The following SNX30 variants were observed in gnomAD, a reference collection of about 807,000 sequenced individuals.
SNX30 encodes sorting nexin family member 30.
Under a neutral mutation model 46.4 loss-of-function variants are expected in SNX30, and 24 were observed. The observed-to-expected ratio is 0.52, with a 90% CI of 0.37 to 0.73. The LOEUF is 0.73. Among genes scored for constraint, SNX30 ranks in the 30% least tolerant of loss-of-function variants. The probability of loss-of-function intolerance (pLI) is 0.00; values close to 1 mark genes in which losing one functional copy is unlikely to be tolerated. For synonymous variants in SNX30, 189 were observed against 211.5 expected (o/e 0.89, Z 0.92); for missense variants, 533 against 555.7 (o/e 0.96, Z 0.41).
chr9:112,883,244 C>T (rs528619297), downstream of SNX30, among the ~76,000 whole-genome samples: 42 of 152,010 alleles, frequency 2.8e-4, 1 homozygote, highest in Non-Finnish European at 2.9e-4. Context: ...GAAGGAGAGA[C>T]GGAGGAAGAG....
intron 7 of SNX30, among the ~76,000 whole-genome samples, chr9:112,859,614 G>A (rs186521480): frequency 1.3e-5 from 2 of 152,032 alleles, no homozygotes; most frequent in East Asian, 1.9e-4. Context: ...TCTTACCAAC[G>A]CTTATCTATT....
At chr9:112,753,812 T>C (rs1450206567) in intron 1 of SNX30, among the ~76,000 whole-genome samples, 2 of 152,236 alleles carry the variant, frequency 1.3e-5, no homozygotes, top group African/African-American at 2.4e-5. Flanking sequence ...TTTCTCTGAC[T>C]AGGAGTAACA....
intron 3 of SNX30, 58 bp from the exon 4 acceptor site, chr9:112,830,667 T>G (rs1840646269): frequency 6.6e-7 from 1 of 1,525,650 alleles, no homozygotes; most frequent in South Asian, 1.2e-5. Context: ...CTAGCCTGGT[T>G]GTTTTTCCTT....
At chr9:112,848,677 G>C (rs1840976905) in intron 6 of SNX30, among the ~76,000 whole-genome samples, 1 of 152,246 alleles carries the variant, frequency 6.6e-6, no homozygotes, top group Non-Finnish European at 1.5e-5. Flanking sequence ...CAGTCAGCCT[G>C]CGCCAGAGGG....
chr9:112,755,252 A>G (rs1839329815), intron 1 of SNX30, among the ~76,000 whole-genome samples: 1 of 152,310 alleles, frequency 6.6e-6, no homozygotes, highest in African/African-American at 2.4e-5. Context: ...GCAGACTGGA[A>G]GGAGGTGAGG....
chr9:112,831,024 G>C (rs1004224528), intron 4 of SNX30, 141 bp downstream of exon 4: 1 of 838,764 alleles, frequency 1.2e-6, no homozygotes, highest in African/African-American at 1.7e-5. Flanking sequence ...TGTAGTCCCA[G>C]CTACCTGGGA....
chr9:112,804,472 G>C (rs1342452874), intron 1 of SNX30, among the ~76,000 whole-genome samples: 2 of 152,178 alleles, frequency 1.3e-5, no homozygotes, highest in Non-Finnish European at 2.9e-5. Flanking sequence ...GCCCCTTGTT[G>C]AGGTTTGATG....
chr9:112,805,880 A>T (rs1840217635), intron 2 of SNX30, among the ~76,000 whole-genome samples: 1 of 152,238 alleles, frequency 6.6e-6, no homozygotes. Flanking sequence ...GGTAACCAGG[A>T]TTCTAATTTG....
chr9:112,864,859 T>C (rs1363138086), intron 8 of SNX30, among the ~76,000 whole-genome samples: 1 of 152,138 alleles, frequency 6.6e-6, no homozygotes, highest in Non-Finnish European at 1.5e-5. Context: ...GTTTTTTAAA[T>C]AGACTTCAAA....
At chr9:112,783,989 A>T (rs1156257670) in intron 1 of SNX30, among the ~76,000 whole-genome samples, 1 of 152,194 alleles carries the variant, frequency 6.6e-6, no homozygotes, top group Non-Finnish European at 1.5e-5. Context: ...GGCTCTGTAG[A>T]TGGCACACAG....
At position 112,838,546 on chromosome 9, in the gene SNX30, G is replaced by A. The variant is rs1840803117; in HGVS notation, c.863G>A (p.Ser288Asn). 1.2e-6 allele frequency: 2 copies of A among 1,614,180 alleles called. No homozygotes were observed. Among genetic ancestry groups the A allele is most frequent in the South Asian group, 1.1e-5 (1 of 91,084 alleles). ...REYGPVYSTW[S>N]ALEGELAEPL... ...TACGGGCCTGTGTACTCCACATGGA[G>A]CGCCTTGGAGGGTGAGCTGGCTGAA... is the stretch of plus-strand genomic sequence containing the variant. The change falls in exon 6 of 9, where the codon AGC becomes AAC. Residue 288 changes from serine to asparagine, a missense_variant. Transcript: ENST00000374232.
At chr9:112,833,763 A>G (rs1339431606) in intron 4 of SNX30, among the ~76,000 whole-genome samples, 1 of 152,182 alleles carries the variant, frequency 6.6e-6, no homozygotes, top group East Asian at 1.9e-4. Flanking sequence ...CTGCAGAGGT[A>G]ATTCCAAGAA....
Position 112,869,825 on chromosome 9 carries a change from T to G in SNX30, c.*982T>G, listed in dbSNP as rs1045679778. ...CACCAAAAATACCTACTTTAATATT[T>G]CCTCCTGTGTCCTCTGAATGTCTGG... On this transcript the variant is annotated 3_prime_UTR_variant, in exon 9 of 9. Coordinates refer to ENST00000374232, the MANE Select transcript of SNX30 (RefSeq NM_001012994.2). The G allele has an allele frequency of 6.6e-6, 1 of 152,146 alleles. No individual in the cohort carries two copies. Among genetic ancestry groups the G allele is most frequent in the Admixed American group, 6.6e-5 (1 of 15,266 alleles). 9.4% of individuals were successfully genotyped at this position (152,146 alleles called of 1,614,324 possible). A position where few individuals can be genotyped will look rare whatever the true frequency, so the allele number is the denominator to read the frequency against.
chr9:112,768,005 C>T (rs1485516959), intron 1 of SNX30, among the ~76,000 whole-genome samples: 3 of 152,218 alleles, frequency 2.0e-5, no homozygotes, highest in Non-Finnish European at 4.4e-5. Context: ...AGGCCCTCCT[C>T]TCCCATCCAG....
chr9:112,879,514 C>G (rs532328940), downstream of SNX30: 41 of 474,424 alleles, frequency 8.6e-5, no homozygotes, highest in African/African-American at 7.5e-4. Flanking sequence ...GCTCTGCTGT[C>G]ACAGAACCCA....
At chr9:112,775,087 A>G (rs1588111774) in intron 1 of SNX30, among the ~76,000 whole-genome samples, 1 of 149,072 alleles carries the variant, frequency 6.7e-6, no homozygotes, top group Non-Finnish European at 1.5e-5. Context: ...CTCAAATGAT[A>G]TGCCTGCCTC....
At chr9:112,819,753 A>G (rs754251779) in intron 3 of SNX30, among the ~76,000 whole-genome samples, 10 of 152,134 alleles carry the variant, frequency 6.6e-5, no homozygotes, top group Non-Finnish European at 1.5e-4. Context: ...CATTTGTCTG[A>G]CGGCTTTCCC....
At chr9:112,798,121 CTTTTTTTTTT>C (rs57300324) in intron 1 of SNX30, among the ~76,000 whole-genome samples, 6 of 77,884 alleles carry the variant, frequency 7.7e-5, no homozygotes, top group African/African-American at 3.0e-4. Context: ...TTTTTTTTTT[CTTTTTTTTTT>C]TTTTTTTTTA....
At chr9:112,833,243 G>A (rs566786637) in intron 4 of SNX30, among the ~76,000 whole-genome samples, 24 of 151,600 alleles carry the variant, frequency 1.6e-4, no homozygotes, top group Non-Finnish European at 5.9e-5. Context: ...AACATACCTT[G>A]AATAACTTGA....
Sources: allele counts gnomAD v4.1 joint callset (sites outside exome capture counted in the v4.1 genomes callset), GRCh38; gene constraint gnomAD v4.1.1; transcripts MANE v1.5; gene names NCBI Gene and HGNC (gene_info 2026-07-23, HGNC 2026-07-21).